SERF2: variants seen among roughly 807,000 people sequenced by gnomAD.
The protein encoded by SERF2 is small EDRK-rich factor 2, also known as gastric cancer-related protein VRG107.
A neutral mutation model predicts 10.7 loss-of-function variants in SERF2; 4 were observed. That is an observed-to-expected ratio of 0.37 (90% CI 0.18 to 0.86). The LOEUF (loss-of-function observed/expected upper bound fraction) is 0.86, where lower values mean the gene tolerates loss of function less well. Among genes scored for constraint, SERF2 ranks in the 40% least tolerant of loss-of-function variants. The probability of loss-of-function intolerance (pLI) is 0.43; values close to 1 mark genes in which losing one functional copy is unlikely to be tolerated. For missense variants in SERF2, 47 were observed against 79.1 expected, an observed-to-expected ratio of 0.59 and a Z score of 1.54; for synonymous variants, 26 against 26.0, an observed-to-expected ratio of 1.00 and a Z score of 0.01.
Position 43,795,237 on chromosome 15 carries a change from A to G in SERF2, c.*1464A>G, listed in dbSNP as rs770881958. On this transcript the variant is annotated 3_prime_UTR_variant, in exon 3 of 3. Coordinates refer to ENST00000249786, the MANE Select transcript of SERF2 (RefSeq NM_001018108.4). The stretch of plus-strand genomic sequence containing the variant: ...AGCTGTGTAACCAAAGGCTCTGGTT[A>G]GAGAATATGAAGGGCCTTAGCTTTT... The G allele has an allele frequency of 6.2e-7, 1 of 1,611,662 alleles. No individual in the cohort carries two copies. The highest frequency in any genetic ancestry group is 1.3e-5 in the African/African-American group (1 of 74,854).
chr15:43,795,784 G>C lies in SERF2; in HGVS notation c.*2011G>C, dbSNP rs1031821762. ...TGGAATGGTCTTAAAAGATGTGAGG[G>C]TGTTAATCTAGGAAACTTCCCCCGT... On this transcript the variant is annotated 3_prime_UTR_variant, in exon 3 of 3. Coordinates refer to ENST00000249786, the MANE Select transcript of SERF2 (RefSeq NM_001018108.4). 6 of 1,583,322 alleles carry C rather than the reference G, an allele frequency of 3.8e-6. No homozygotes were observed. Among genetic ancestry groups the C allele is most frequent in the South Asian group, 2.3e-5 (2 of 88,742 alleles).
chr15:43,778,581 CAAAAAAAAAAAAAAAAAA>C (rs145368177), intron 1 of SERF2, among the ~76,000 whole-genome samples: 22 of 28,956 alleles, frequency 7.6e-4, no homozygotes, highest in East Asian at 4.8e-3. Flanking sequence ...GATTCCATCT[CAAAAAAAAAAAAAAAAAA>C]AAAAAAAAAA....
intron 1 of SERF2, among the ~76,000 whole-genome samples, chr15:43,783,350 T>A (rs1196134780): frequency 6.7e-6 from 1 of 149,258 alleles, no homozygotes; most frequent in Non-Finnish European, 1.5e-5. Context: ...CAGGCTGGAG[T>A]GCAGTGGCAT....
chr15:43,781,428 T>C (rs1177630934), intron 1 of SERF2, among the ~76,000 whole-genome samples: 1 of 151,812 alleles, frequency 6.6e-6, no homozygotes, highest in East Asian at 2.0e-4. Flanking sequence ...GGTGACTAAT[T>C]TTAGTCCCAG....
At chr15:43,791,674 C>T (rs938999235), upstream of SERF2, among the ~76,000 whole-genome samples, 2 of 152,218 alleles carry the variant, frequency 1.3e-5, no homozygotes, top group African/African-American at 2.4e-5. Flanking sequence ...TGGAGTCCTC[C>T]AATACTTCCA....
upstream of SERF2, among the ~76,000 whole-genome samples, chr15:43,790,158 AATT>A (rs2087041504): frequency 6.6e-6 from 1 of 150,996 alleles, no homozygotes; most frequent in East Asian, 2.0e-4. Context: ...AAAAAAAAAA[AATT>A]ATCCGGGCGT....
At chr15:43,792,448 G>C (rs2087083657) in intron 1 of SERF2, 65 bp downstream of exon 1, 1 of 1,613,320 alleles carries the variant, frequency 6.2e-7, no homozygotes, top group African/African-American at 1.3e-5. Context: ...CACCGGCGAG[G>C]CGCCGGCTTT....
chr15:43,789,327 T>C (rs977819280), upstream of SERF2, among the ~76,000 whole-genome samples: 3 of 152,146 alleles, frequency 2.0e-5, no homozygotes, highest in African/African-American at 7.2e-5. Context: ...ACCTACACAA[T>C]AATCCTGTGG....
intron 1 of SERF2, among the ~76,000 whole-genome samples, chr15:43,778,583 A>G (rs1476535932): frequency 1.9e-5 from 1 of 53,966 alleles, no homozygotes; most frequent in Non-Finnish European, 3.6e-5. Flanking sequence ...TTCCATCTCA[A>G]AAAAAAAAAA....
intron 1 of SERF2, among the ~76,000 whole-genome samples, chr15:43,784,156 A>C (rs2086987054): frequency 6.6e-6 from 1 of 151,940 alleles, no homozygotes; most frequent in African/African-American, 2.4e-5. Flanking sequence ...TCTTGGTCTC[A>C]AGTGATTCTC....
chr15:43,791,404 T>A (rs1199777504), upstream of SERF2, among the ~76,000 whole-genome samples: 2 of 147,384 alleles, frequency 1.4e-5, no homozygotes, highest in Admixed American at 1.4e-4. Context: ...CACGCCCGGC[T>A]AATTTTTTGT....
intron 1 of SERF2, 68 bp downstream of exon 1, chr15:43,792,451 C>T (rs908959703): frequency 3.5e-5 from 56 of 1,612,876 alleles, no homozygotes; most frequent in Non-Finnish European, 4.4e-5. Flanking sequence ...CGGCGAGGCG[C>T]CGGCTTTGAC....
chr15:43,792,362 G>C lies in SERF2; in HGVS notation c.-15G>C, dbSNP rs1051316031. On this transcript the variant is annotated 5_prime_UTR_variant, in exon 1 of 3. Coordinates refer to ENST00000249786, the MANE Select transcript of SERF2 (RefSeq NM_001018108.4). ...GGGGACGTAACGGAGGCAGGTTGGA[G>C]CCGCTGCCGTCGCCATGACCCGTGA... 3 of 1,607,602 alleles carry C rather than the reference G, an allele frequency of 1.9e-6. No homozygotes were observed. Among genetic ancestry groups the C allele is most frequent in the Middle Eastern group, 1.7e-4 (1 of 6,050 alleles).
At chr15:43,784,903 C>T (rs1056536862) in intron 1 of SERF2, among the ~76,000 whole-genome samples, 4 of 151,376 alleles carry the variant, frequency 2.6e-5, no homozygotes, top group African/African-American at 9.7e-5. Flanking sequence ...TAGGCGCGCA[C>T]CATCACGCTT....
rs185398419 is a variant in SERF2, at chr15:43,794,808, T to G, written c.*1035T>G. On this transcript the variant is annotated 3_prime_UTR_variant, in exon 3 of 3. Transcript: ENST00000249786. ...GCTGGGATGCAGATGTAACAGTAGC[T>G]CCAGTGAGTCAGACACTCTGCCCAG... 2.7e-4 allele frequency: 152 copies of G among 561,814 alleles called. 2 individuals are homozygous for G. In the East Asian group the frequency reaches 4.3e-3, roughly 16 times the overall value. 34.8% of individuals were successfully genotyped at this position (561,814 alleles called of 1,614,324 possible). A position where few individuals can be genotyped will look rare whatever the true frequency, so the allele number is the denominator to read the frequency against.
chr15:43,793,321 G>GT lies in SERF2; in HGVS notation c.116+238_116+239insT, dbSNP rs1292691573. On this transcript the variant is annotated intron_variant, in intron 2 of 2. Coordinates refer to ENST00000249786, the MANE Select transcript of SERF2 (RefSeq NM_001018108.4). ...CTGATTTCTGAGCGTCCCTGGGTCT[G>GT]ACCTTAAGGGCAAGGGCAGGGAGCT... The GT allele has an allele frequency of 8.7e-6, 5 of 576,220 alleles. No individual in the cohort carries two copies. The Admixed American group carries it at 1.2e-4, about 14-fold the overall frequency. The allele number at this position is 576,220 out of a possible 1,614,324, so 35.7% of individuals were successfully genotyped here.
chr15:43,780,134 GTTTA>G (rs1181993189), intron 1 of SERF2, among the ~76,000 whole-genome samples: 4 of 151,938 alleles, frequency 2.6e-5, no homozygotes, highest in Non-Finnish European at 2.9e-5. Context: ...TTTAAAAAAT[GTTTA>G]TTTATTTTCT....
rs905629345 is a variant in SERF2, at chr15:43,780,968, ACTT to A, written c.-527+3469_-527+3471del. Among the ~76,000 whole-genome samples, 4 of 152,018 alleles carry A rather than the reference ACTT, an allele frequency of 2.6e-5. No individual in the cohort carries two copies. In the South Asian group the frequency reaches 6.2e-4, roughly 24 times the overall value. On this transcript the variant is annotated intron_variant, in intron 1 of 4. Coordinates refer to the SERF2 transcript ENST00000381359. ...AAGATTTTTTTTTTCCTTATTGAGA[ACTT>A]CTACCTTTTCACTTAAAGGAAGCAC...
At chr15:43,793,306 A>C (rs1341457231) in intron 2 of SERF2, 1 of 567,718 alleles carries the variant, frequency 1.8e-6, no homozygotes, top group Non-Finnish European at 3.1e-6. Flanking sequence ...CTGATTTCTG[A>C]GCGTCCCTGG....
Sources: allele counts gnomAD v4.1 joint callset (sites outside exome capture counted in the v4.1 genomes callset), GRCh38; gene constraint gnomAD v4.1.1; transcripts MANE v1.5; gene names NCBI Gene and HGNC (gene_info 2026-07-23, HGNC 2026-07-21).